The following CYFIP2 variants were observed in gnomAD, a reference collection of about 807,000 sequenced individuals.
The protein encoded by CYFIP2 is cytoplasmic FMR1 interacting protein 2, also known as cytoplasmic FMR1-interacting protein 2.
In CYFIP2, 29 loss-of-function variants were observed where a neutral mutation model predicts 158.7. That is an observed-to-expected ratio of 0.18 (90% CI 0.14 to 0.25). The LOEUF (loss-of-function observed/expected upper bound fraction) is 0.25. CYFIP2 is among the 10% of genes least tolerant of loss of function. The probability of loss-of-function intolerance (pLI) is 1.00; values close to 1 mark genes in which losing one functional copy is unlikely to be tolerated. For synonymous variants in CYFIP2, 585 were observed against 617.6 expected, an observed-to-expected ratio of 0.95 and a Z score of 0.78; for missense variants, 852 against 1,639.5, an observed-to-expected ratio of 0.52 and a Z score of 8.29.
At chr5:157,278,591 C>T (rs1199280811) in intron 1 of CYFIP2, among the ~76,000 whole-genome samples, 1 of 152,140 alleles carries the variant, frequency 6.6e-6, no homozygotes, top group Non-Finnish European at 1.5e-5. Flanking sequence ...AAAATTATAC[C>T]TGCTGAATTG....
intron 15 of CYFIP2, among the ~76,000 whole-genome samples, chr5:157,321,999 G>GGAC (rs896353578): frequency 6.6e-6 from 1 of 152,208 alleles, no homozygotes; most frequent in Non-Finnish European, 1.5e-5. Flanking sequence ...AGGAGGAGGA[G>GGAC]GGGACTTAAC....
At chr5:157,319,216 G>C (rs776874184) in intron 13 of CYFIP2, among the ~76,000 whole-genome samples, 6 of 152,160 alleles carry the variant, frequency 3.9e-5, no homozygotes, top group South Asian at 2.1e-4. Flanking sequence ...AAGGGAAATA[G>C]GGGAGTAGAG....
intron 1 of CYFIP2, among the ~76,000 whole-genome samples, chr5:157,283,842 C>G (rs914507920): frequency 4.6e-5 from 7 of 152,110 alleles, no homozygotes; most frequent in Non-Finnish European, 7.4e-5. Flanking sequence ...GGACCAAATT[C>G]TTGTGTTGAT....
Position 157,361,897 on chromosome 5 carries a change from T to C in CYFIP2, c.3039+299T>C, listed in dbSNP as rs1256308320. 3.3e-5 allele frequency among the ~76,000 whole-genome samples: 5 copies of C among 151,670 alleles called. No individual in the cohort carries two copies. On this transcript the variant is annotated intron_variant, in intron 26 of 30. Coordinates refer to ENST00000620254, the MANE Select transcript of CYFIP2 (RefSeq NM_001037333.3). The surrounding 1 kb of genome is among the most constrained non-coding windows in gnomAD (Gnocchi z 4.4). ...AGGTTTACTGCAGGAGAAAGGAGGGTGTTTATTTTCAGAGTACCAAGCAAG... is the reference window on the plus strand; with the variant it reads ...AGGTTTACTGCAGGAGAAAGGAGGGCGTTTATTTTCAGAGTACCAAGCAAG...
At chr5:157,353,948 G>A (rs915421273) in intron 23 of CYFIP2, among the ~76,000 whole-genome samples, 2 of 152,136 alleles carry the variant, frequency 1.3e-5, no homozygotes, top group East Asian at 3.8e-4. Flanking sequence ...TGAGATAGAG[G>A]CCTATCTCAA....
At chr5:157,391,345 A>G (rs1426826069) in intron 30 of CYFIP2, among the ~76,000 whole-genome samples, 1 of 152,222 alleles carries the variant, frequency 6.6e-6, no homozygotes, top group Non-Finnish European at 1.5e-5. Context: ...TATATGATTC[A>G]GTGGCATGAA....
intron 3 of CYFIP2, among the ~76,000 whole-genome samples, chr5:157,291,588 T>C (rs904334473): frequency 2.0e-5 from 3 of 152,248 alleles, no homozygotes; most frequent in African/African-American, 4.8e-5. Context: ...TAGACACGTG[T>C]TCCTTACGTG....
intron 3 of CYFIP2, among the ~76,000 whole-genome samples, chr5:157,289,925 G>A (rs991128716): frequency 6.6e-6 from 1 of 152,188 alleles, no homozygotes; most frequent in Non-Finnish European, 1.5e-5. Context: ...TTGCAAGTAG[G>A]AATGAGGCAA....
chr5:157,339,498 G>T (rs928580313), intron 22 of CYFIP2, among the ~76,000 whole-genome samples: 3 of 152,242 alleles, frequency 2.0e-5, no homozygotes, highest in Non-Finnish European at 4.4e-5. Context: ...CTACTCTGAA[G>T]TTGCCCATTG....
intron 6 of CYFIP2, among the ~76,000 whole-genome samples, chr5:157,302,399 A>G (rs923106486): frequency 5.3e-5 from 8 of 152,192 alleles, no homozygotes; most frequent in Non-Finnish European, 1.2e-4. Flanking sequence ...GGTGCATTCT[A>G]GCATCCTACC....
At chr5:157,383,951 T>C (rs1048157794) in intron 28 of CYFIP2, among the ~76,000 whole-genome samples, 6 of 152,204 alleles carry the variant, frequency 3.9e-5, no homozygotes, top group Non-Finnish European at 7.3e-5. Context: ...CTACAGTTCA[T>C]GCAGGATGAT....
chr5:157,387,665 AG>A (rs1232962728), intron 28 of CYFIP2, among the ~76,000 whole-genome samples: 4 of 144,446 alleles, frequency 2.8e-5, no homozygotes, highest in Non-Finnish European at 6.0e-5. Flanking sequence ...ACTCAAACAC[AG>A]GCTCAGGATT....
chr5:157,268,635 G>T (rs1755819210), intron 1 of CYFIP2, among the ~76,000 whole-genome samples: 1 of 152,214 alleles, frequency 6.6e-6, no homozygotes, highest in Non-Finnish European at 1.5e-5. Context: ...GGCCCCAGGG[G>T]TCCACCAAAA....
intron 22 of CYFIP2, 53 bp from the exon 23 acceptor site, chr5:157,341,017 G>A (rs2113240210): frequency 2.0e-6 from 3 of 1,536,048 alleles, no homozygotes; most frequent in Non-Finnish European, 2.7e-6. Flanking sequence ...GTGTCCCATG[G>A]AGAATAATAT....
At chr5:157,348,689 G>A (rs1762861608) in intron 23 of CYFIP2, among the ~76,000 whole-genome samples, 1 of 152,150 alleles carries the variant, frequency 6.6e-6, no homozygotes, top group Non-Finnish European at 1.5e-5. Context: ...TGGGATTACA[G>A]GCGTGAGCCA....
intron 4 of CYFIP2, 36 bp from the exon 5 acceptor site, chr5:157,296,637 A>C: frequency 1.3e-6 from 2 of 1,585,704 alleles, no homozygotes; most frequent in Middle Eastern, 1.7e-4. Flanking sequence ...CAACAGGTGT[A>C]AACCAGGATG....
chr5:157,373,923 G>A (rs1274337527), intron 26 of CYFIP2, among the ~76,000 whole-genome samples: 1 of 152,186 alleles, frequency 6.6e-6, no homozygotes, highest in Non-Finnish European at 1.5e-5. Context: ...AAAGAGGCTA[G>A]AGTGGCAATC....
intron 4 of CYFIP2, 132 bp from the exon 5 acceptor site, chr5:157,296,541 C>A (rs748986040): frequency 6.3e-6 from 5 of 799,308 alleles, no homozygotes; most frequent in Non-Finnish European, 8.4e-6. Flanking sequence ...TTTCAGTGAG[C>A]CATGATCATG....
chr5:157,302,598 G>T (rs147536905), intron 6 of CYFIP2, among the ~76,000 whole-genome samples, 196 bp from the exon 7 acceptor site: 1 of 152,242 alleles, frequency 6.6e-6, no homozygotes, highest in East Asian at 1.9e-4. Context: ...CTTATTACAA[G>T]GGTGTAGACA....
Sources: gnomAD v4.1 joint callset for allele counts (sites outside exome capture counted in the v4.1 genomes callset) on GRCh38, gnomAD v4.1.1 for gene constraint, Gnocchi (gnomAD v3.1) non-coding constraint, MANE v1.5 for transcripts, NCBI Gene and HGNC (gene_info 2026-07-23, HGNC 2026-07-21) for gene names.